Variants in ANKRD30A observed in about 807,000 individuals in gnomAD.
ANKRD30A encodes the protein ankyrin repeat domain 30A, also known as ankyrin repeat domain-containing protein 30A.
ANKRD30A carries 170 observed loss-of-function variants against 166.3 expected under a neutral mutation model. That is an observed-to-expected ratio of 1.02 (90% confidence interval 0.90 to 1.16). The LOEUF (loss-of-function observed/expected upper bound fraction) is 1.16. Among genes scored for constraint, ANKRD30A ranks in the 50% most tolerant of loss-of-function variants. ANKRD30A has a pLI of 0.00. For missense variants in ANKRD30A, 1,630 were observed against 1,518.0 expected, an observed-to-expected ratio of 1.07 and a Z score of -1.23; for synonymous variants, 564 against 508.9, an observed-to-expected ratio of 1.11 and a Z score of -1.46.
chr10:37,252,250 T>G, the ANKRD30A span, among the ~76,000 whole-genome samples: 3 of 152,070 alleles, frequency 2.0e-5, no homozygotes, highest in Non-Finnish European at 2.9e-5. Flanking sequence ...TTCCCCAGAG[T>G]CCACACCATG....
intron 15 of ANKRD30A, 79 bp from the exon 16 acceptor site, chr10:37,162,570 A>G: frequency 6.4e-7 from 1 of 1,570,520 alleles, no homozygotes; most frequent in South Asian, 1.1e-5. Flanking sequence ...GGAGTCAGTT[A>G]AATACTATCA....
chr10:37,164,465 G>A (rs1839145437), intron 17 of ANKRD30A, among the ~76,000 whole-genome samples: 1 of 151,658 alleles, frequency 6.6e-6, no homozygotes, highest in African/African-American at 2.4e-5. Flanking sequence ...GTTGCATTAG[G>A]GAAGAAGTGT....
Position 37,136,816 on chromosome 10 carries a change from T to C in ANKRD30A, c.820+145T>C, listed in dbSNP as rs139579769. 0.077 allele frequency: 16,922 copies of C among 218,638 alleles called. 591 individuals carry two copies. The highest frequency in any genetic ancestry group is 0.11 in the Middle Eastern group (105 of 962). The allele number at this position is 218,638 out of a possible 1,614,324, so 13.5% of individuals were successfully genotyped here. ...ATATGTGGGTGTGGGTGTGTGTATG[T>C]GTGTGTGTGTGTGTGTATATATATA... On this transcript the variant is annotated intron_variant, in intron 6 of 35. Transcript: ENST00000361713.
chr10:37,154,663 G>C (rs987484154), intron 13 of ANKRD30A, among the ~76,000 whole-genome samples: 4 of 152,202 alleles, frequency 2.6e-5, no homozygotes, highest in African/African-American at 9.6e-5. Context: ...CACAAGTCTA[G>C]AGATTATTTT....
intron 13 of ANKRD30A, among the ~76,000 whole-genome samples, chr10:37,156,834 G>T (rs1208683110): frequency 6.6e-6 from 1 of 152,070 alleles, no homozygotes; most frequent in African/African-American, 2.4e-5. Flanking sequence ...ATTAAAGCAG[G>T]TTTTTATTTA....
chr10:37,247,181 T>C, the ANKRD30A span, among the ~76,000 whole-genome samples: 1 of 152,182 alleles, frequency 6.6e-6, no homozygotes, highest in Non-Finnish European at 1.5e-5. Context: ...AGAAAAGGGC[T>C]AAAGAAAACA....
chr10:37,146,250 CT>C (rs1181955231), intron 8 of ANKRD30A, among the ~76,000 whole-genome samples: 1 of 152,218 alleles, frequency 6.6e-6, no homozygotes, highest in East Asian at 1.9e-4. Context: ...TATTCAAGTA[CT>C]TTTTCCATCA....
intron 4 of ANKRD30A, among the ~76,000 whole-genome samples, chr10:37,133,101 G>A (rs1249826370): frequency 6.6e-6 from 1 of 152,000 alleles, no homozygotes; most frequent in Non-Finnish European, 1.5e-5. Flanking sequence ...ATTAATTTTA[G>A]GTTATCCCTA....
chr10:37,233,462 A>C (rs533080611), downstream of ANKRD30A, among the ~76,000 whole-genome samples: 13 of 152,166 alleles, frequency 8.5e-5, no homozygotes, highest in Non-Finnish European at 1.8e-4. Flanking sequence ...AACATGTATA[A>C]ATACAAATGC....
chr10:37,240,579 G>T, the ANKRD30A span, among the ~76,000 whole-genome samples: 1 of 152,056 alleles, frequency 6.6e-6, no homozygotes, highest in Admixed American at 6.6e-5. Context: ...CCACTTACTA[G>T]TACTCCACCT....
At chr10:37,137,299 G>A (rs751574387) in intron 6 of ANKRD30A, among the ~76,000 whole-genome samples, 4 of 152,242 alleles carry the variant, frequency 2.6e-5, no homozygotes, top group African/African-American at 4.8e-5. Flanking sequence ...CGTGAGCAAC[G>A]CAGAAAGGGA....
chr10:37,199,957 C>T (rs1442612957), intron 30 of ANKRD30A, among the ~76,000 whole-genome samples, 169 bp downstream of exon 30: 1 of 151,974 alleles, frequency 6.6e-6, no homozygotes, highest in African/African-American at 2.4e-5. Context: ...TAGATTACTG[C>T]TTCACAGTGA....
At position 37,210,723 on chromosome 10, in the gene ANKRD30A, A is replaced by G. The variant is rs185748228; in HGVS notation, c.2870-5458A>G. Reference sequence around the variant, plus strand: ...TGCATTTCTCTAATGATCAGTGATGATGAGCTTTTTTTCATATGTTTGTTG... The same window carrying G: ...TGCATTTCTCTAATGATCAGTGATGGTGAGCTTTTTTTCATATGTTTGTTG... On this transcript the variant is annotated intron_variant, in intron 31 of 35. Coordinates refer to ENST00000361713, the MANE Select transcript of ANKRD30A (RefSeq NM_052997.3). 2.4e-3 allele frequency among the ~76,000 whole-genome samples: 359 copies of G among 152,220 alleles called. 2 individuals are homozygous for G. Among genetic ancestry groups the G allele is most frequent in the African/African-American group, 8.0e-3 (332 of 41,536 alleles).
At chr10:37,198,532 T>G (rs974168541) in intron 29 of ANKRD30A, among the ~76,000 whole-genome samples, 4 of 152,116 alleles carry the variant, frequency 2.6e-5, no homozygotes, top group African/African-American at 9.6e-5. Context: ...ATATTTAAGA[T>G]ATTTCCTTGT....
chr10:37,141,515 T>C (rs1239767289), intron 6 of ANKRD30A, among the ~76,000 whole-genome samples: 1 of 148,268 alleles, frequency 6.7e-6, no homozygotes, highest in Non-Finnish European at 1.5e-5. Context: ...TTGAATTGCA[T>C]TGAGCTGAGA....
intron 25 of ANKRD30A, among the ~76,000 whole-genome samples, chr10:37,192,647 C>T (rs1346015706): frequency 1.3e-5 from 2 of 151,988 alleles, no homozygotes; most frequent in South Asian, 2.1e-4. Flanking sequence ...GTGATTCTGA[C>T]GTGTTTCCTT....
intron 32 of ANKRD30A, 92 bp from the exon 33 acceptor site, chr10:37,217,603 G>A: frequency 5.8e-6 from 6 of 1,027,794 alleles, no homozygotes; most frequent in African/African-American, 1.7e-5. Context: ...GAATTTTATT[G>A]GACTAATAAC....
chr10:37,232,026 G>A lies in ANKRD30A; in HGVS notation c.*211+346G>A, dbSNP rs189111100. Among the ~76,000 whole-genome samples, 25 of 152,074 alleles carry A rather than the reference G, an allele frequency of 1.6e-4. No individual in the cohort carries two copies. In the East Asian group the frequency reaches 4.8e-3, roughly 29 times the overall value. ...TTGGCTTATTTTCTGATTGGTTTGA[G>A]TTTGGCTGTGCTTCATAACACTTCT... On this transcript the variant is annotated intron_variant, in intron 35 of 35. Transcript: ENST00000361713.
chr10:37,248,183 G>T, the ANKRD30A span: 7 of 635,316 alleles, frequency 1.1e-5, no homozygotes, highest in Non-Finnish European at 2.2e-5. Context: ...GGGAGAGCAT[G>T]CTCAGGTTTC....
Sources: allele counts gnomAD v4.1 joint callset (sites outside exome capture counted in the v4.1 genomes callset), GRCh38; gene constraint gnomAD v4.1.1; transcripts MANE v1.5; gene names NCBI Gene and HGNC (gene_info 2026-07-23, HGNC 2026-07-21).